The following ZFP1 variants were observed in gnomAD, a reference collection of about 807,000 sequenced individuals.
ZFP1 encodes zinc finger protein 1 homolog.
Under a neutral mutation model 38.5 loss-of-function variants are expected in ZFP1, and 32 were observed. That is an observed-to-expected ratio of 0.83 (90% CI 0.63 to 1.12). ZFP1 has a LOEUF of 1.12. Among genes scored for constraint, ZFP1 ranks in the 50% most tolerant of loss-of-function variants. The probability of loss-of-function intolerance (pLI) is 0.00; values close to 1 mark genes in which losing one functional copy is unlikely to be tolerated. For missense variants in ZFP1, 616 were observed against 480.8 expected (o/e 1.28, Z -2.63); for synonymous variants, 245 against 168.8 (o/e 1.45, Z -3.50).
the ZFP1 span, among the ~76,000 whole-genome samples, chr16:75,124,685 G>A: frequency 6.7e-6 from 1 of 149,030 alleles, no homozygotes; most frequent in Admixed American, 6.7e-5. Flanking sequence ...TACTTGGGAG[G>A]CTGAGGCAGG....
At chr16:75,140,924 A>C in the ZFP1 span, among the ~76,000 whole-genome samples, 3 of 152,162 alleles carry the variant, frequency 2.0e-5, no homozygotes, top group East Asian at 1.9e-4. Context: ...GCACCACTGC[A>C]CTCTAGCCTG....
At chr16:75,162,189 C>G (rs1041825532) in intron 2 of ZFP1, among the ~76,000 whole-genome samples, 2 of 152,048 alleles carry the variant, frequency 1.3e-5, no homozygotes, top group African/African-American at 2.4e-5. Context: ...GTGGTGCAAT[C>G]TCAGCTCACT....
At chr16:75,140,339 C>G in the ZFP1 span, among the ~76,000 whole-genome samples, 38 of 151,586 alleles carry the variant, frequency 2.5e-4, no homozygotes, top group South Asian at 7.3e-3. Context: ...GAGACTGAGA[C>G]AGGAGGACCA....
chr16:75,168,112 C>G (rs1409081323), intron 3 of ZFP1, among the ~76,000 whole-genome samples: 1 of 152,064 alleles, frequency 6.6e-6, no homozygotes, highest in African/African-American at 2.4e-5. Context: ...CTGCCTTGGC[C>G]TCCCAAAGTG....
At chr16:75,146,839 C>G (rs544555699), upstream of ZFP1, among the ~76,000 whole-genome samples, 4 of 149,908 alleles carry the variant, frequency 2.7e-5, no homozygotes, top group African/African-American at 9.8e-5. Context: ...ACTTGGGAGG[C>G]TGAACTGGGA....
chr16:75,170,521 G>C lies in ZFP1; in HGVS notation c.*187G>C. ...AAGTTACATGTGATACCCAGCTAAAGAATACATATCAGAATATATCCAGTT... is the reference window on the plus strand; with the variant it reads ...AAGTTACATGTGATACCCAGCTAAACAATACATATCAGAATATATCCAGTT... On this transcript the variant is annotated 3_prime_UTR_variant, in exon 4 of 4. Coordinates refer to ENST00000570010, the MANE Select transcript of ZFP1 (RefSeq NM_153688.4). 1.2e-6 allele frequency: 1 copy of C among 832,022 alleles called. No homozygotes were observed. The highest frequency in any genetic ancestry group is 3.5e-5 in the Admixed American group (1 of 28,968). 51.5% of individuals were successfully genotyped at this position (832,022 alleles called of 1,614,324 possible).
chr16:75,169,783 G>A lies in ZFP1; in HGVS notation c.673G>A (p.Ala225Thr). The change falls in exon 4 of 4, where the codon GCC becomes ACC. Residue 225 changes from alanine (A) to threonine (T), a missense_variant. By Grantham distance (58) the Ala-to-Thr change is moderately conservative (BLOSUM62 0). Transcript: ENST00000570010. Reference protein sequence around the residue: ...NVCKKTFSHKANLIKHQRIHT... With the variant: ...NVCKKTFSHKTNLIKHQRIHT... Reference sequence around the variant, plus strand: ...ATGTAAGAAAACCTTCTCCCATAAGGCCAACCTCATCAAACATCAGAGAAT... The same window carrying A: ...ATGTAAGAAAACCTTCTCCCATAAGACCAACCTCATCAAACATCAGAGAAT... The A allele has an allele frequency of 6.2e-7, 1 of 1,613,976 alleles. No individual in the cohort carries two copies. Among genetic ancestry groups the A allele is most frequent in the Non-Finnish European group, 8.5e-7 (1 of 1,179,964 alleles).
chr16:75,133,731 T>A, the ZFP1 span, among the ~76,000 whole-genome samples: 2 of 152,376 alleles, frequency 1.3e-5, no homozygotes, highest in South Asian at 2.1e-4. Context: ...TGATGTTGTG[T>A]GTCCATGTAC....
the ZFP1 span, among the ~76,000 whole-genome samples, chr16:75,139,241 T>C: frequency 6.6e-6 from 1 of 151,058 alleles, no homozygotes; most frequent in African/African-American, 2.4e-5. Flanking sequence ...TGGTGGCGGG[T>C]GCCTGTAGTC....
upstream of ZFP1, among the ~76,000 whole-genome samples, chr16:75,144,667 C>T (rs1463809364): frequency 6.6e-6 from 1 of 152,194 alleles, no homozygotes; most frequent in Non-Finnish European, 1.5e-5. Flanking sequence ...TTATCCCAAA[C>T]AGAAACGCTA....
At chr16:75,169,128 T>G (rs561309138) in intron 3 of ZFP1, 125 bp from the exon 4 acceptor site, 5 of 1,249,504 alleles carry the variant, frequency 4.0e-6, no homozygotes, top group Admixed American at 2.8e-5. Context: ...TTTTTTAATA[T>G]TGGGAGACTG....
At chr16:75,163,890 A>G (rs1484147426) in intron 2 of ZFP1, among the ~76,000 whole-genome samples, 1 of 152,140 alleles carries the variant, frequency 6.6e-6, no homozygotes. Context: ...GATTACACAC[A>G]TGAGCCACAG....
intron 1 of ZFP1, 97 bp from the exon 2 acceptor site, chr16:75,152,812 C>T (rs2145503301): frequency 2.6e-6 from 3 of 1,135,946 alleles, no homozygotes; most frequent in South Asian, 1.6e-5. Flanking sequence ...TGGTATTTTC[C>T]CAGGTGGTCT....
chr16:75,127,663 T>C, the ZFP1 span, among the ~76,000 whole-genome samples: 8 of 152,198 alleles, frequency 5.3e-5, no homozygotes, highest in Admixed American at 1.3e-4. Flanking sequence ...ACTTTGGAGA[T>C]TGTGACATCA....
chr16:75,170,206 A>G lies in ZFP1; in HGVS notation c.1096A>G (p.Thr366Ala). Residue 366 changes from threonine (T) to alanine (A), a missense_variant, in exon 4 of 4, where the codon ACT becomes GCT. Transcript: ENST00000570010. ...CGGCAAAACTTTCAGCCAGAGGTCAACTCTTAGATTACACTTGCGAATCCA... is the reference window on the plus strand; with the variant it reads ...CGGCAAAACTTTCAGCCAGAGGTCAGCTCTTAGATTACACTTGCGAATCCA... ...ECGKTFSQRS[T>A]LRLHLRIHTG... is the part of the protein sequence containing the mutation. 6.2e-7 allele frequency: 1 copy of G among 1,614,124 alleles called. No homozygotes were observed. The highest frequency in any genetic ancestry group is 8.5e-7 in the Non-Finnish European group (1 of 1,180,020).
chr16:75,143,013 C>T, the ZFP1 span, among the ~76,000 whole-genome samples: 1 of 151,778 alleles, frequency 6.6e-6, no homozygotes, highest in African/African-American at 2.4e-5. Flanking sequence ...CCAAATAAAA[C>T]ATTTTACATT....
the ZFP1 span, among the ~76,000 whole-genome samples, chr16:75,123,223 G>C: frequency 6.6e-6 from 1 of 151,282 alleles, no homozygotes; most frequent in Non-Finnish European, 1.5e-5. Context: ...GCACAGTGGT[G>C]CATGCCTGTA....
chr16:75,134,814 T>G, the ZFP1 span, among the ~76,000 whole-genome samples: 1 of 151,396 alleles, frequency 6.6e-6, no homozygotes, highest in African/African-American at 2.4e-5. Context: ...TCCCAGCACT[T>G]GGGGAGGCCG....
At chr16:75,126,837 A>G in the ZFP1 span, among the ~76,000 whole-genome samples, 1 of 152,260 alleles carries the variant, frequency 6.6e-6, no homozygotes. Context: ...AGTCTTTTAA[A>G]ATGTTATTAA....
Sources: allele counts gnomAD v4.1 joint callset (sites outside exome capture counted in the v4.1 genomes callset), GRCh38; gene constraint gnomAD v4.1.1; transcripts MANE v1.5; gene names NCBI Gene and HGNC (gene_info 2026-07-23, HGNC 2026-07-21).